The following PCDH15 variants were observed in gnomAD, a reference collection of about 807,000 sequenced individuals.
PCDH15 encodes protocadherin-15.
In PCDH15, 129 loss-of-function variants were observed where a neutral mutation model predicts 178.5. That is an observed-to-expected ratio of 0.72 (90% CI 0.63 to 0.84). The LOEUF (loss-of-function observed/expected upper bound fraction) is 0.84, where lower values mean the gene tolerates loss of function less well. PCDH15 is among the 40% of genes least tolerant of loss of function. The pLI is 0.00. For synonymous variants in PCDH15, 800 were observed against 732.0 expected, an observed-to-expected ratio of 1.09 and a Z score of -1.50; for missense variants, 2,230 against 2,099.9, an observed-to-expected ratio of 1.06 and a Z score of -1.21.
chr10:55,055,551 G>A (rs1368785601), intron 2 of PCDH15, among the ~76,000 whole-genome samples: 4 of 152,068 alleles, frequency 2.6e-5, no homozygotes, highest in East Asian at 3.9e-4. Context: ...ACCTGTCATC[G>A]CAGCACTTTG....
chr10:54,995,638 C>T (rs1400762530), intron 2 of PCDH15, among the ~76,000 whole-genome samples: 1 of 144,174 alleles, frequency 6.9e-6, no homozygotes, highest in Middle Eastern at 3.6e-3. Context: ...CTCCCCCCCA[C>T]GCCCCAAACA....
intron 26 of PCDH15, among the ~76,000 whole-genome samples, chr10:53,878,946 T>C (rs2080486059): frequency 6.6e-6 from 1 of 152,174 alleles, no homozygotes; most frequent in Non-Finnish European, 1.5e-5. Context: ...TAGGACATGC[T>C]GAATAAGTTG....
intron 37 of PCDH15, chr10:53,808,493 G>A: frequency 7.2e-7 from 1 of 1,390,832 alleles, no homozygotes; most frequent in Non-Finnish European, 9.3e-7. Flanking sequence ...GGATTAGTCA[G>A]TTTTACTCTA....
chr10:55,102,841 T>C (rs1435249550), intron 2 of PCDH15, among the ~76,000 whole-genome samples: 1 of 152,000 alleles, frequency 6.6e-6, no homozygotes, highest in Non-Finnish European at 1.5e-5. Flanking sequence ...TAATGTAGTC[T>C]TATTTTAAAA....
intron 3 of PCDH15, among the ~76,000 whole-genome samples, chr10:54,396,400 C>T (rs1220510474): frequency 1.3e-5 from 2 of 152,116 alleles, no homozygotes; most frequent in African/African-American, 2.4e-5. Context: ...ATGAAATACA[C>T]GTCAATAAAC....
At chr10:55,446,382 A>G (rs1051868648) in intron 2 of PCDH15, among the ~76,000 whole-genome samples, 1 of 152,036 alleles carries the variant, frequency 6.6e-6, no homozygotes, top group Non-Finnish European at 1.5e-5. Context: ...TAAGTTCTAA[A>G]AAGAAAACAT....
intron 3 of PCDH15, among the ~76,000 whole-genome samples, chr10:54,836,747 T>G (rs903414983): frequency 6.6e-6 from 1 of 152,070 alleles, no homozygotes; most frequent in African/African-American, 2.4e-5. Context: ...AAAATTACAG[T>G]GTTAATAAAT....
At chr10:55,517,073 C>G (rs188574327) in intron 2 of PCDH15, among the ~76,000 whole-genome samples, 1 of 151,710 alleles carries the variant, frequency 6.6e-6, no homozygotes, top group Non-Finnish European at 1.5e-5. Flanking sequence ...CACTAAAGAA[C>G]TACTAAGGGT....
intron 26 of PCDH15, among the ~76,000 whole-genome samples, chr10:53,874,245 ATTTCC>A (rs769885366): frequency 1.4e-4 from 22 of 152,046 alleles, no homozygotes; most frequent in Non-Finnish European, 2.4e-4. Context: ...GTCTATTAAG[ATTTCC>A]CTCCCCAGAA....
chr10:54,004,805 C>A (rs1413063262), intron 20 of PCDH15, among the ~76,000 whole-genome samples: 6 of 151,482 alleles, frequency 4.0e-5, no homozygotes, highest in Non-Finnish European at 7.4e-5. Flanking sequence ...AAAAAAAATT[C>A]TAAACTGTGT....
intron 2 of PCDH15, among the ~76,000 whole-genome samples, chr10:54,547,819 A>C (rs866157174): frequency 1.3e-5 from 2 of 152,044 alleles, no homozygotes; most frequent in Non-Finnish European, 2.9e-5. Flanking sequence ...GTGCTGTGTC[A>C]TGGGTATAGT....
chr10:54,579,065 A>C (rs1186152274), intron 2 of PCDH15, among the ~76,000 whole-genome samples: 1 of 152,138 alleles, frequency 6.6e-6, no homozygotes, highest in South Asian at 2.1e-4. Flanking sequence ...TAGTCTGCAG[A>C]CCCTATAAAG....
At chr10:55,519,649 G>C (rs1841109669) in intron 2 of PCDH15, among the ~76,000 whole-genome samples, 1 of 151,524 alleles carries the variant, frequency 6.6e-6, no homozygotes, top group African/African-American at 2.4e-5. Flanking sequence ...AAAAATAAAA[G>C]TACATTTATG....
chr10:53,956,505 T>C (rs546049704), intron 23 of PCDH15, among the ~76,000 whole-genome samples: 1 of 152,290 alleles, frequency 6.6e-6, no homozygotes, highest in Admixed American at 6.5e-5. Flanking sequence ...AGTGTCCTTG[T>C]TCATATTTGG....
At chr10:55,522,762 C>T (rs537990418) in intron 2 of PCDH15, among the ~76,000 whole-genome samples, 1 of 151,718 alleles carries the variant, frequency 6.6e-6, no homozygotes, top group East Asian at 1.9e-4. Flanking sequence ...TTTTAAATTA[C>T]TTATCCACCA....
At chr10:55,067,880 G>A (rs1030937501) in intron 2 of PCDH15, among the ~76,000 whole-genome samples, 2 of 151,886 alleles carry the variant, frequency 1.3e-5, no homozygotes, top group Non-Finnish European at 2.9e-5. Flanking sequence ...TTGGCCATTT[G>A]TATGTCTTTT....
intron 3 of PCDH15, among the ~76,000 whole-genome samples, chr10:54,507,381 T>C (rs1164509240): frequency 6.6e-6 from 1 of 151,730 alleles, no homozygotes; most frequent in Non-Finnish European, 1.5e-5. Context: ...CTCATATGCA[T>C]GCTTTTTAAT....
chr10:55,390,354 C>T (rs903435443), intron 2 of PCDH15, among the ~76,000 whole-genome samples: 3 of 152,206 alleles, frequency 2.0e-5, no homozygotes, highest in Admixed American at 6.5e-5. Flanking sequence ...GGCTGCTGAA[C>T]GCTGGGGTGG....
rs180809803 is a variant in PCDH15 at position 54,945,797 on chromosome 10, A to G, written c.-79-48297T>C. 2.0e-3 allele frequency among the ~76,000 whole-genome samples: 301 copies of G among 151,968 alleles called. 2 individuals carry two copies. Among genetic ancestry groups the G allele is most frequent in the Middle Eastern group, 3.4e-3 (1 of 294 alleles). On this transcript the variant is annotated intron_variant, in intron 2 of 5. Coordinates refer to the PCDH15 transcript ENST00000458638. Reference sequence around the variant, plus strand: ...TGCATTACGTTCACATAGAAGAAACAAAAAATGTCAGCAAGTATTGGGATC... The same window carrying G: ...TGCATTACGTTCACATAGAAGAAACGAAAAATGTCAGCAAGTATTGGGATC...
Sources: allele counts gnomAD v4.1 joint callset (sites outside exome capture counted in the v4.1 genomes callset), GRCh38; gene constraint gnomAD v4.1.1; transcripts MANE v1.5; gene names NCBI Gene and HGNC (gene_info 2026-07-23, HGNC 2026-07-21).